CDC14A: variants seen among roughly 807,000 people sequenced by gnomAD.
CDC14A encodes the protein cell division cycle 14A, also known as dual specificity protein phosphatase CDC14A.
A neutral mutation model predicts 74.4 loss-of-function variants in CDC14A; 53 were observed. That is an observed-to-expected ratio of 0.71 (90% confidence interval 0.57 to 0.89). The LOEUF (loss-of-function observed/expected upper bound fraction) is 0.89, where lower values mean the gene tolerates loss of function less well. Ranked by LOEUF, CDC14A falls within the 40% of genes least tolerant of loss-of-function variation. The probability of loss-of-function intolerance (pLI) is 0.00; values close to 1 mark genes in which losing one functional copy is unlikely to be tolerated. For missense variants in CDC14A, 646 were observed against 713.7 expected (o/e 0.91, Z 1.08); for synonymous variants, 247 against 258.4 (o/e 0.96, Z 0.43).
intron 15 of CDC14A, among the ~76,000 whole-genome samples, chr1:100,511,311 C>T (rs1475624845): frequency 1.3e-5 from 2 of 152,170 alleles, no homozygotes; most frequent in African/African-American, 4.8e-5. Flanking sequence ...TGCACTTCCC[C>T]CTCCCTTGTC....
chr1:100,420,082 A>ATATATATATATAGT (rs58124351), intron 4 of CDC14A, among the ~76,000 whole-genome samples: 4 of 105,550 alleles, frequency 3.8e-5, no homozygotes, highest in African/African-American at 6.7e-5. Flanking sequence ...ATATATATAT[A>ATATATATATATAGT]GTGTGTATGT....
rs28364873 is a variant in CDC14A at position 100,455,522 on chromosome 1, C to T, written c.607+30C>T. On this transcript the variant is annotated intron_variant, in intron 8 of 15. Transcript: ENST00000336454. ...GTTTTTTTTTCCTTTACCATCCAAA[C>T]ATTTATTTTGATTTATCTTTCTAAG... 12 of 1,206,218 alleles carry T rather than the reference C, an allele frequency of 9.9e-6. No individual in the cohort carries two copies. In the South Asian group the frequency reaches 1.6e-4, roughly 16 times the overall value. 74.7% of individuals were successfully genotyped at this position (1,206,218 alleles called of 1,614,324 possible).
chr1:100,431,825 G>A (rs1399538908), intron 5 of CDC14A, among the ~76,000 whole-genome samples: 1 of 150,916 alleles, frequency 6.6e-6, no homozygotes, highest in Non-Finnish European at 1.5e-5. Flanking sequence ...GACAGAATGA[G>A]TCCCTGTCTC....
intron 4 of CDC14A, among the ~76,000 whole-genome samples, chr1:100,421,888 T>A (rs551546007): frequency 5.9e-5 from 9 of 152,316 alleles, no homozygotes; most frequent in Admixed American, 2.0e-4. Context: ...TCTAAGAAGA[T>A]CTGGCATAAG....
chr1:100,438,080 T>C (rs925532811), intron 5 of CDC14A, among the ~76,000 whole-genome samples: 1 of 152,092 alleles, frequency 6.6e-6, no homozygotes, highest in Non-Finnish European at 1.5e-5. Context: ...TGTAGTAGCA[T>C]TAGCAATATA....
upstream of CDC14A, among the ~76,000 whole-genome samples, chr1:100,348,813 A>T (rs1043146646): frequency 1.3e-5 from 2 of 152,252 alleles, no homozygotes; most frequent in Admixed American, 1.3e-4. Context: ...TCCAGCAGTG[A>T]GTTTTCTAGA....
chr1:100,397,706 T>C (rs1203380235), intron 4 of CDC14A, among the ~76,000 whole-genome samples: 1 of 152,154 alleles, frequency 6.6e-6, no homozygotes, highest in African/African-American at 2.4e-5. Flanking sequence ...TTCTGTTATG[T>C]GGAGGATGCT....
At chr1:100,515,455 C>T (rs1327859293) in intron 15 of CDC14A, among the ~76,000 whole-genome samples, 12 of 148,492 alleles carry the variant, frequency 8.1e-5, no homozygotes, top group South Asian at 4.3e-4. Context: ...GTGATCTGAG[C>T]TCGCTGCAGT....
intron 7 of CDC14A, 81 bp from the exon 8 acceptor site, chr1:100,455,324 C>G (rs922803490): frequency 4.6e-6 from 4 of 866,424 alleles, no homozygotes; most frequent in Admixed American, 4.7e-5. Context: ...GAGTGAAAAG[C>G]AGTTTTATTT....
chr1:100,467,695 C>G (rs376759006), intron 9 of CDC14A, among the ~76,000 whole-genome samples: 5 of 152,188 alleles, frequency 3.3e-5, no homozygotes, highest in African/African-American at 1.2e-4. Flanking sequence ...CTTTTCCACT[C>G]CAGCCAGTAA....
intron 5 of CDC14A, among the ~76,000 whole-genome samples, chr1:100,425,059 T>C (rs1189392275): frequency 6.6e-6 from 1 of 152,076 alleles, no homozygotes; most frequent in East Asian, 1.9e-4. Context: ...TCCCAGCTAC[T>C]TGAGAGGCTG....
At chr1:100,431,394 A>G (rs74103176) in intron 5 of CDC14A, among the ~76,000 whole-genome samples, 343 of 152,132 alleles carry the variant, frequency 2.3e-3, no homozygotes, top group African/African-American at 8.0e-3. Context: ...TCTTTACGGT[A>G]TATTTCCAGT....
chr1:100,515,788 A>G (rs1317367664), intron 15 of CDC14A, among the ~76,000 whole-genome samples: 1 of 152,200 alleles, frequency 6.6e-6, no homozygotes, highest in Non-Finnish European at 1.5e-5. Context: ...CTTTTTACTG[A>G]TCTTTCATTT....
In CDC14A at chr1:100,406,872, G is replaced by A. The variant is rs574841652; in HGVS notation, c.309+16048G>A. Among the ~76,000 whole-genome samples the A allele has an allele frequency of 2.6e-5, 4 of 151,808 alleles. No homozygotes were observed. In the East Asian group the frequency reaches 5.8e-4, roughly 22 times the overall value. ...ACCCAGGAGGTGGAGGCTGCAGTGA[G>A]CTGAGATCGTGCCATTGGACTCCAG... On this transcript the variant is annotated intron_variant, in intron 4 of 15. Coordinates refer to ENST00000336454, the MANE Select transcript of CDC14A (RefSeq NM_003672.4).
intron 11 of CDC14A, among the ~76,000 whole-genome samples, chr1:100,489,760 G>A (rs946392993): frequency 1.3e-5 from 2 of 152,070 alleles, no homozygotes; most frequent in Non-Finnish European, 2.9e-5. Context: ...TTCCTGTGGG[G>A]GACAAAGATA....
intron 10 of CDC14A, among the ~76,000 whole-genome samples, chr1:100,479,306 T>C (rs929223400): frequency 1.3e-5 from 2 of 152,216 alleles, no homozygotes; most frequent in African/African-American, 4.8e-5. Flanking sequence ...GCTTTTGGGA[T>C]ACAAGTGGTT....
chr1:100,465,294 A>G (rs1352472347), intron 9 of CDC14A, among the ~76,000 whole-genome samples: 3 of 152,126 alleles, frequency 2.0e-5, no homozygotes, highest in Admixed American at 2.0e-4. Flanking sequence ...TTAAATCAGA[A>G]CCTTTAACAT....
intron 15 of CDC14A, among the ~76,000 whole-genome samples, chr1:100,507,837 G>A (rs933306388): frequency 6.6e-5 from 10 of 151,892 alleles, no homozygotes; most frequent in African/African-American, 2.2e-4. Flanking sequence ...GCACCACCAC[G>A]CCTGGCTAAT....
intron 2 of CDC14A, among the ~76,000 whole-genome samples, chr1:100,356,060 G>GA (rs113489932): frequency 0.059 from 9,049 of 152,190 alleles, 429 homozygotes; most frequent in African/African-American, 0.13. Context: ...AGAGGCTTGG[G>GA]ACGTGTGTTC....
Sources: allele counts gnomAD v4.1 joint callset (sites outside exome capture counted in the v4.1 genomes callset), GRCh38; gene constraint gnomAD v4.1.1; transcripts MANE v1.5; gene names NCBI Gene and HGNC (gene_info 2026-07-23, HGNC 2026-07-21).